Variants in LRRC3 observed in about 807,000 individuals in gnomAD.
The protein encoded by LRRC3 is leucine-rich repeat-containing protein 3.
For missense variants in LRRC3, 351 were observed against 361.6 expected (o/e 0.97, Z 0.24); for synonymous variants, 172 against 164.1 (o/e 1.05, Z -0.37).
chr21:44,460,851 G>C lies in LRRC3; in HGVS notation c.*3433G>C, dbSNP rs2145878518. The C allele has an allele frequency of 6.5e-6, 1 of 152,990 alleles. No individual in the cohort carries two copies. 9.5% of individuals were successfully genotyped at this position (152,990 alleles called of 1,614,324 possible). ...GACCCGACCCAATCCTAACCCTGATGCTAACCCCTGACTCAACTCTCACCC... is the reference window on the plus strand; with the variant it reads ...GACCCGACCCAATCCTAACCCTGATCCTAACCCCTGACTCAACTCTCACCC... On this transcript the variant is annotated 3_prime_UTR_variant, in exon 2 of 2. Coordinates refer to ENST00000291592, the MANE Select transcript of LRRC3 (RefSeq NM_030891.6).
rs1243009833 is a variant in LRRC3 at position 44,457,373 on chromosome 21, G to T, written c.729G>T (p.Leu243=). Residue 243 remains leucine, a synonymous_variant, in exon 2 of 2, where the codon CTG becomes CTT. Transcript: ENST00000291592. The part of the protein sequence containing the change: ...ARRHLEYLKS[L]PSAPASKDPI... ...GGCACCTGGAGTACCTGAAGTCTCTGCCCAGCGCCCCCGCCTCCAAGGACC... is the reference window on the plus strand; with the variant it reads ...GGCACCTGGAGTACCTGAAGTCTCTTCCCAGCGCCCCCGCCTCCAAGGACC... 1 of 1,604,272 alleles carries T rather than the reference G, an allele frequency of 6.2e-7. No homozygotes were observed. Among genetic ancestry groups the T allele is most frequent in the South Asian group, 1.1e-5 (1 of 90,842 alleles).
In LRRC3 at chr21:44,457,290, G is replaced by T; in HGVS notation, c.646G>T (p.Ala216Ser). 1 of 1,613,738 alleles carries T rather than the reference G, an allele frequency of 6.2e-7. No individual in the cohort carries two copies. The highest frequency in any genetic ancestry group is 8.5e-7 in the Non-Finnish European group (1 of 1,180,002). Residue 216 changes from alanine to serine, a missense_variant, in exon 2 of 2, where the codon GCC (alanine) becomes TCC (serine). Coordinates refer to ENST00000291592, the MANE Select transcript of LRRC3 (RefSeq NM_030891.6). ...AMLVTMFGWFAMVIAYVVYYV... is the reference protein window; with the variant it reads ...AMLVTMFGWFSMVIAYVVYYV... Reference sequence around the variant, plus strand: ...GCTGGTCACCATGTTCGGCTGGTTCGCCATGGTGATCGCCTACGTCGTGTA... The same window carrying T: ...GCTGGTCACCATGTTCGGCTGGTTCTCCATGGTGATCGCCTACGTCGTGTA...
Position 44,457,161 on chromosome 21 carries a change from C to G in LRRC3, c.517C>G (p.His173Asp). ...DPDSVDEIAC[H>D]TSVQEEFVGK... Reference sequence around the variant, plus strand: ...CGACTCTGTGGACGAGATCGCCTGCCACACCTCAGTGCAGGAGGAGTTTGT... The same window carrying G: ...CGACTCTGTGGACGAGATCGCCTGCGACACCTCAGTGCAGGAGGAGTTTGT... The change falls in exon 2 of 2, where the codon CAC (histidine) becomes GAC (aspartate). Residue 173 changes from histidine (H) to aspartate (D), a missense_variant. Coordinates refer to ENST00000291592, the MANE Select transcript of LRRC3 (RefSeq NM_030891.6). 1.2e-6 allele frequency: 2 copies of G among 1,613,692 alleles called. No individual in the cohort carries two copies. Among genetic ancestry groups the G allele is most frequent in the Non-Finnish European group, 1.7e-6 (2 of 1,180,046 alleles).
chr21:44,456,666 C>T lies in LRRC3; in HGVS notation c.22C>T (p.Arg8Cys), dbSNP rs1480395712. 9.4e-6 allele frequency: 15 copies of T among 1,601,102 alleles called. No individual in the cohort carries two copies. The highest frequency in any genetic ancestry group is 1.3e-5 in the Non-Finnish European group (15 of 1,174,768). MGTVRPP[R>C]PSLLLVSTRE... ...CAGGATGGGCACCGTGCGCCCACCTCGCCCCTCGCTCCTGCTGGTCTCCAC... is the reference window on the plus strand; with the variant it reads ...CAGGATGGGCACCGTGCGCCCACCTTGCCCCTCGCTCCTGCTGGTCTCCAC... Residue 8 changes from arginine to cysteine, a missense_variant, in exon 2 of 2, where the codon CGC becomes TGC. Transcript: ENST00000291592.
In LRRC3 at chr21:44,459,109, AGT is replaced by A. The variant is rs2051726610; in HGVS notation, c.*1694_*1695del. 6.6e-6 allele frequency: 1 copy of A among 152,234 alleles called. No homozygotes were observed. The highest frequency in any genetic ancestry group is 2.4e-5 in the African/African-American group (1 of 41,444). 9.4% of individuals were successfully genotyped at this position (152,234 alleles called of 1,614,324 possible). ...TGCTTCCCTCACGCCACGCTGCCTG[AGT>A]GTCGCCATGCTCGGAGGACAGAGAC... On this transcript the variant is annotated 3_prime_UTR_variant, in exon 2 of 2. Coordinates refer to ENST00000291592, the MANE Select transcript of LRRC3 (RefSeq NM_030891.6).
Position 44,459,845 on chromosome 21 carries a change from G to C in LRRC3, c.*2427G>C, listed in dbSNP as rs1438687506. 6.6e-6 allele frequency: 1 copy of C among 152,166 alleles called. No individual in the cohort carries two copies. The highest frequency in any genetic ancestry group is 1.5e-5 in the Non-Finnish European group (1 of 68,130). The allele number at this position is 152,166 out of a possible 1,614,324, so 9.4% of individuals were successfully genotyped here. A position where few individuals can be genotyped will look rare whatever the true frequency, so the allele number is the denominator to read the frequency against. Reference sequence around the variant, plus strand: ...CTTCTCCTTGGTGAAGGTCTGCTGGGCCCCTGTCCACCTCCTGCTGGGAGG... The same window carrying C: ...CTTCTCCTTGGTGAAGGTCTGCTGGCCCCCTGTCCACCTCCTGCTGGGAGG... On this transcript the variant is annotated 3_prime_UTR_variant, in exon 2 of 2. Transcript: ENST00000291592.
chr21:44,456,613 C>T lies in LRRC3; in HGVS notation c.-32C>T, dbSNP rs1469910924. ...CTCCATCCCCAGGCCCTAGCAGAGG[C>T]TCGCGTGTCCCCGTCCCCAGGTCAG... On this transcript the variant is annotated 5_prime_UTR_variant, in exon 2 of 2. Coordinates refer to ENST00000291592, the MANE Select transcript of LRRC3 (RefSeq NM_030891.6). 6.5e-7 allele frequency: 1 copy of T among 1,546,506 alleles called. No individual in the cohort carries two copies. Among genetic ancestry groups the T allele is most frequent in the East Asian group, 2.3e-5 (1 of 44,150 alleles).
In LRRC3 at chr21:44,457,496, C is replaced by T. The variant is rs1182951594; in HGVS notation, c.*78C>T. The T allele has an allele frequency of 2.1e-6, 3 of 1,461,580 alleles. No homozygotes were observed. The highest frequency in any genetic ancestry group is 2.7e-5 in the South Asian group (2 of 73,462). The allele number at this position is 1,461,580 out of a possible 1,614,324, so 90.5% of individuals were successfully genotyped here. A position where few individuals can be genotyped will look rare whatever the true frequency, so the allele number is the denominator to read the frequency against. On this transcript the variant is annotated 3_prime_UTR_variant, in exon 2 of 2. Coordinates refer to ENST00000291592, the MANE Select transcript of LRRC3 (RefSeq NM_030891.6). ...GGTGACTGATGCTGCTTTTGCTCTTCCCTGAGGCAGGTGTCACAGCCATGT... is the reference window on the plus strand; with the variant it reads ...GGTGACTGATGCTGCTTTTGCTCTTTCCTGAGGCAGGTGTCACAGCCATGT...
chr21:44,456,628 C>T lies in LRRC3; in HGVS notation c.-17C>T, dbSNP rs373265055. The T allele has an allele frequency of 1.3e-6, 2 of 1,566,104 alleles. No individual in the cohort carries two copies. The highest frequency in any genetic ancestry group is 1.7e-6 in the Non-Finnish European group (2 of 1,155,382). ...CTAGCAGAGGCTCGCGTGTCCCCGTCCCCAGGTCAGGTCAGGATGGGCACC... is the reference window on the plus strand; with the variant it reads ...CTAGCAGAGGCTCGCGTGTCCCCGTTCCCAGGTCAGGTCAGGATGGGCACC... On this transcript the variant is annotated 5_prime_UTR_variant, in exon 2 of 2. Coordinates refer to ENST00000291592, the MANE Select transcript of LRRC3 (RefSeq NM_030891.6).
rs1344426646 is a variant in LRRC3 at position 44,456,436 on chromosome 21, G to A, written c.-147-62G>A. The A allele has an allele frequency of 1.2e-5, 7 of 580,174 alleles. No individual in the cohort carries two copies. In the East Asian group the frequency reaches 2.0e-4, roughly 17 times the overall value. 35.9% of individuals were successfully genotyped at this position (580,174 alleles called of 1,614,324 possible). On this transcript the variant is annotated intron_variant, in intron 1 of 1. Transcript: ENST00000291592. ...CAGTGGACGCGTTTCCCAGGTGACC[G>A]CAGCCGGCAGTGCTGACCACCCTCC... is the stretch of plus-strand genomic sequence containing the variant.
rs1481456567 is a variant in LRRC3 at position 44,460,911 on chromosome 21, C to G, written c.*3493C>G. On this transcript the variant is annotated 3_prime_UTR_variant, in exon 2 of 2. Coordinates refer to ENST00000291592, the MANE Select transcript of LRRC3 (RefSeq NM_030891.6). ...TGCTAACCCCTGACCCAATCCTCAC[C>G]CTAACCCTGATACTAACCCTTAACC... 1 of 152,900 alleles carries G rather than the reference C, an allele frequency of 6.5e-6. No individual in the cohort carries two copies. The highest frequency in any genetic ancestry group is 1.5e-5 in the Non-Finnish European group (1 of 68,536). The allele number at this position is 152,900 out of a possible 1,614,324, so 9.5% of individuals were successfully genotyped here.
Position 44,456,734 on chromosome 21 carries a change from C to T in LRRC3, c.90C>T (p.Gly30=), listed in dbSNP as rs749506974. ...CLFLLFCLHL[G]AACPQPCRCP... ...TCCTCCTCTTCTGCCTGCACCTGGG[C>T]GCCGCCTGCCCACAGCCCTGCCGGT... Residue 30 remains glycine (G), a synonymous_variant, in exon 2 of 2, where the codon GGC becomes GGT. Coordinates refer to ENST00000291592, the MANE Select transcript of LRRC3 (RefSeq NM_030891.6). 20 of 1,609,694 alleles carry T rather than the reference C, an allele frequency of 1.2e-5. No individual in the cohort carries two copies. Among genetic ancestry groups the T allele is most frequent in the Middle Eastern group, 1.7e-4 (1 of 6,060 alleles).
chr21:44,461,285 G>C lies in LRRC3; in HGVS notation c.*3867G>C, dbSNP rs553095434. 4.6e-5 allele frequency: 7 copies of C among 152,840 alleles called. No homozygotes were observed. The highest frequency in any genetic ancestry group is 2.0e-4 in the Admixed American group (3 of 15,296). 9.5% of individuals were successfully genotyped at this position (152,840 alleles called of 1,614,324 possible). ...GGGGCGTGGGCCTGCCGGGGGTTGC[G>C]TGACAGGCAGTGGGGAGTGGGTTGT... On this transcript the variant is annotated 3_prime_UTR_variant, in exon 2 of 2. Transcript: ENST00000291592.
chr21:44,457,290 G>A lies in LRRC3; in HGVS notation c.646G>A (p.Ala216Thr), dbSNP rs866797304. Reference protein sequence around the residue: ...AMLVTMFGWFAMVIAYVVYYV... With the variant: ...AMLVTMFGWFTMVIAYVVYYV... ...GCTGGTCACCATGTTCGGCTGGTTCGCCATGGTGATCGCCTACGTCGTGTA... is the reference window on the plus strand; with the variant it reads ...GCTGGTCACCATGTTCGGCTGGTTCACCATGGTGATCGCCTACGTCGTGTA... Residue 216 changes from alanine to threonine, a missense_variant, in exon 2 of 2, where the codon GCC becomes ACC. Coordinates refer to ENST00000291592, the MANE Select transcript of LRRC3 (RefSeq NM_030891.6). 11 of 1,613,738 alleles carry A rather than the reference G, an allele frequency of 6.8e-6. No individual in the cohort carries two copies. Among genetic ancestry groups the A allele is most frequent in the African/African-American group, 6.7e-5 (5 of 75,068 alleles).
intron 1 of LRRC3, 21 bp from the exon 2 acceptor site, chr21:44,456,477 C>T: frequency 1.4e-6 from 1 of 728,106 alleles, no homozygotes; most frequent in Non-Finnish European, 2.2e-6. Flanking sequence ...TCTCCGCTCC[C>T]TCCTGCGTCT....
chr21:44,456,937 A>T lies in LRRC3; in HGVS notation c.293A>T (p.Asn98Ile). The T allele has an allele frequency of 6.2e-7, 1 of 1,610,106 alleles. No individual in the cohort carries two copies. The highest frequency in any genetic ancestry group is 8.5e-7 in the Non-Finnish European group (1 of 1,179,854). Residue 98 changes from asparagine to isoleucine, a missense_variant, in exon 2 of 2, where the codon AAC (asparagine) becomes ATC (isoleucine). Coordinates refer to ENST00000291592, the MANE Select transcript of LRRC3 (RefSeq NM_030891.6). ...CTCAGGGAGCTGGATCTGTCTCACA[A>T]CGCCATCGAGGCCATCGGCTCCGCC... ...HRLRELDLSH[N>I]AIEAIGSATF...
chr21:44,456,693 C>T lies in LRRC3; in HGVS notation c.49C>T (p.Arg17Trp), dbSNP rs751445424. 1.6e-5 allele frequency: 26 copies of T among 1,608,770 alleles called. No homozygotes were observed. In the East Asian group the frequency reaches 2.0e-4, roughly 12 times the overall value. Residue 17 changes from arginine to tryptophan, a missense_variant, in exon 2 of 2, where the codon CGG becomes TGG. Arg to Trp is a moderately radical substitution (Grantham distance 101, BLOSUM62 -3). Transcript: ENST00000291592. ...CCCCTCGCTCCTGCTGGTCTCCACC[C>T]GGGAGTCTTGTCTCTTCCTCCTCTT... ...PRPSLLLVST[R>W]ESCLFLLFCL...
chr21:44,455,615 G>C lies in LRRC3; in HGVS notation c.-188G>C, dbSNP rs558077772. On this transcript the variant is annotated 5_prime_UTR_variant, in exon 1 of 2. Transcript: ENST00000291592. ...GGGTCTGGCGGGCTCCGAGAGGCCC[G>C]GGAGCGGCGCGCAGAGCAGCCTCCG... The C allele has an allele frequency of 1.8e-4, 28 of 151,656 alleles. No individual in the cohort carries two copies. The highest frequency in any genetic ancestry group is 1.6e-3 in the Admixed American group (24 of 15,256). The allele number at this position is 151,656 out of a possible 1,614,324, so 9.4% of individuals were successfully genotyped here.
chr21:44,461,166 GC>G lies in LRRC3; in HGVS notation c.*3753del. 6.5e-6 allele frequency: 1 copy of G among 152,718 alleles called. No homozygotes were observed. Among genetic ancestry groups the G allele is most frequent in the Non-Finnish European group, 1.5e-5 (1 of 68,342 alleles). 9.5% of individuals were successfully genotyped at this position (152,718 alleles called of 1,614,324 possible). A position where few individuals can be genotyped will look rare whatever the true frequency, so the allele number is the denominator to read the frequency against. The stretch of plus-strand genomic sequence containing the variant: ...ACAGGACCATCCCTGGTGGGGTGGG[GC>G]CCCCTGGGGCAGGAAGGCCACTGAG... On this transcript the variant is annotated 3_prime_UTR_variant, in exon 2 of 2. Transcript: ENST00000291592.
Sources: allele counts gnomAD v4.1 joint callset, GRCh38; gene constraint gnomAD v4.1.1; transcripts MANE v1.5; gene names NCBI Gene and HGNC (gene_info 2026-07-23, HGNC 2026-07-21).